HHATL: variants seen among roughly 807,000 people sequenced by gnomAD.
The protein encoded by HHATL is hedgehog acyltransferase like.
Under a neutral mutation model 59.7 loss-of-function variants are expected in HHATL, and 49 were observed. The observed-to-expected ratio is 0.82, with a 90% CI of 0.65 to 1.04. HHATL has a LOEUF of 1.04. Among genes scored for constraint, HHATL ranks in the 50% least tolerant of loss-of-function variants. HHATL has a pLI of 0.00. For synonymous variants in HHATL, 238 were observed against 257.3 expected (o/e 0.93, Z 0.72); for missense variants, 605 against 650.8 (o/e 0.93, Z 0.77).
At chr3:42,698,631 G>A in intron 5 of HHATL, 77 bp downstream of exon 5, 1 of 1,459,346 alleles carries the variant, frequency 6.9e-7, no homozygotes, top group South Asian at 1.4e-5. Context: ...GGGGATACTT[G>A]GGGTGCAAGG....
chr3:42,693,931 A>G, intron 9 of HHATL, 113 bp from the exon 10 acceptor site: 2 of 849,374 alleles, frequency 2.4e-6, no homozygotes, highest in East Asian at 5.1e-5. Context: ...GGGTGCATTC[A>G]ACATTCCTGA....
chr3:42,700,962 C>A, intron 1 of HHATL, 123 bp from the exon 2 acceptor site: 2 of 644,066 alleles, frequency 3.1e-6, no homozygotes, highest in South Asian at 3.7e-5. Flanking sequence ...CCCTTGGGGA[C>A]CTTGTACCAT....
rs955436266 is a variant in HHATL, at chr3:42,699,138, G to A, written c.182C>T (p.Ala61Val). 1.9e-6 allele frequency: 3 copies of A among 1,613,718 alleles called. No homozygotes were observed. In the South Asian group the frequency reaches 3.3e-5, roughly 18 times the overall value. Residue 61 changes from alanine (A) to valine (V), a missense_variant, in exon 4 of 12, where the codon GCT (alanine) becomes GTT (valine). Transcript: ENST00000441594. ...WEYIGRKMDV[A>V]DFEWVMWFTS... is the part of the protein sequence containing the mutation. ...GAACCACATCACCCACTCGAAGTCA[G>A]CCACATCCTGGGGCAGTCCGGGGCA...
At position 42,699,765 on chromosome 3, in the gene HHATL, C is replaced by G. The variant is rs771353911; in HGVS notation, c.167G>C (p.Arg56Pro). 9.5e-6 allele frequency: 15 copies of G among 1,579,450 alleles called. No individual in the cohort carries two copies. Among genetic ancestry groups the G allele is most frequent in the Admixed American group, 1.8e-5 (1 of 55,882 alleles). The change falls in exon 3 of 12, where the codon CGG becomes CCG. Residue 56 changes from arginine (R) to proline (P), a missense_variant. Physicochemically the swap from Arg to Pro is moderately radical, Grantham distance 103. Coordinates refer to ENST00000441594, the MANE Select transcript of HHATL (RefSeq NM_020707.4). ...SVRPGWEYIG[R>P]KMDVADFEWV... ...GGGATGTGGGGGACCTACCATCTTC[C>G]GGCCAATGTACTCCCAGCCAGGTCG...
intron 2 of HHATL, 70 bp downstream of exon 2, chr3:42,700,651 G>T: frequency 2.0e-6 from 2 of 1,013,136 alleles, no homozygotes; most frequent in South Asian, 1.4e-5. Flanking sequence ...TTCTGGCTTT[G>T]CTGGTTGGAA....
Position 42,693,221 on chromosome 3 carries a change from A to C in HHATL, c.1249-3T>G. The C allele has an allele frequency of 6.2e-7, 1 of 1,613,956 alleles. No individual in the cohort carries two copies. The highest frequency in any genetic ancestry group is 8.5e-7 in the Non-Finnish European group (1 of 1,179,904). On this transcript the variant is annotated splice_polypyrimidine_tract_variant and splice_region_variant and intron_variant, in intron 10 of 11. Transcript: ENST00000441594. ...GACATCTGCACTGACAGAGAGGCCT[A>C]TCCGGTCCAGGAAAGCATGGGCAGC...
intron 8 of HHATL, 58 bp downstream of exon 8, chr3:42,696,943 G>A (rs1697639292): frequency 1.2e-6 from 2 of 1,613,998 alleles, no homozygotes; most frequent in Non-Finnish European, 8.5e-7. Flanking sequence ...TGGGGGAAGA[G>A]GCTAGGGGAA....
At position 42,699,160 on chromosome 3, in the gene HHATL, G is replaced by A. The variant is rs1420460276; in HGVS notation, c.175-15C>T. 3 of 1,600,354 alleles carry A rather than the reference G, an allele frequency of 1.9e-6. No individual in the cohort carries two copies. Among genetic ancestry groups the A allele is most frequent in the South Asian group, 2.2e-5 (2 of 90,784 alleles). ...TCAGCCACATCCTGGGGCAGTCCGG[G>A]GCAGAAGGAGGTGGGGCAGGTGAGG... On this transcript the variant is annotated splice_polypyrimidine_tract_variant and intron_variant, in intron 3 of 11. Coordinates refer to ENST00000441594, the MANE Select transcript of HHATL (RefSeq NM_020707.4).
At chr3:42,695,295 C>T (rs957207554) in intron 9 of HHATL, among the ~76,000 whole-genome samples, 4 of 152,230 alleles carry the variant, frequency 2.6e-5, no homozygotes, top group African/African-American at 9.6e-5. Context: ...TCACCACCGT[C>T]CTTAGCAGGC....
chr3:42,693,064 C>T lies in HHATL; in HGVS notation c.1390+13G>A. The stretch of plus-strand genomic sequence containing the variant: ...CCTGGCACCTTCTGTATCCCCACAC[C>T]CCTGTCCCTCACCTGTGAGTAGCAG... On this transcript the variant is annotated intron_variant, in intron 11 of 11. Coordinates refer to ENST00000441594, the MANE Select transcript of HHATL (RefSeq NM_020707.4). 1 of 1,614,084 alleles carries T rather than the reference C, an allele frequency of 6.2e-7. No individual in the cohort carries two copies.
In HHATL at chr3:42,693,211, A is replaced by G. The variant is rs557543678; in HGVS notation, c.1256T>C (p.Leu419Pro). The G allele has an allele frequency of 1.2e-5, 19 of 1,614,154 alleles. No individual in the cohort carries two copies. In the East Asian group the frequency reaches 3.6e-4, roughly 30 times the overall value. Residue 419 changes from leucine (L) to proline (P), a missense_variant, in exon 11 of 12, where the codon CTG (leucine) becomes CCG (proline). By Grantham distance (98) the Leu-to-Pro change is moderately conservative. Transcript: ENST00000441594. ...WGPLARIEASLSVQMSRRVRA... is the reference protein window; with the variant it reads ...WGPLARIEASPSVQMSRRVRA... ...GACCCTACGGGACATCTGCACTGAC[A>G]GAGAGGCCTATCCGGTCCAGGAAAG...
chr3:42,699,881 T>G, intron 2 of HHATL, 56 bp from the exon 3 acceptor site: 1 of 1,447,388 alleles, frequency 6.9e-7, no homozygotes, highest in Non-Finnish European at 9.5e-7. Context: ...TGCCCCACCT[T>G]CCCCCGTGGA....
At position 42,698,790 on chromosome 3, in the gene HHATL, AG is replaced by A; in HGVS notation, c.400del (p.Leu134PhefsTer24). On this transcript the variant is annotated frameshift_variant, in exon 5 of 12. Coordinates refer to ENST00000441594, the MANE Select transcript of HHATL (RefSeq NM_020707.4). LOFTEE classifies it high-confidence loss of function. ...AAGACAGAGCCAGGGCTGGCCCAAA[AG>A]CGAGGCCACATAGAGGCCCACACAG... ...GHCVGLYVAS[L>X]LGQPWLCLGL... 1 of 1,613,160 alleles carries A rather than the reference AG, an allele frequency of 6.2e-7. No homozygotes were observed.
Position 42,701,585 on chromosome 3 carries a change from CG to C in HHATL, c.-13-747del. ...CAGGAGTAGCGGATGTGGGGCCAGG[CG>C]GGGCCAGGCGGGGCCAGGGAGGGCA... On this transcript the variant is annotated intron_variant, in intron 1 of 11. Coordinates refer to ENST00000441594, the MANE Select transcript of HHATL (RefSeq NM_020707.4). The surrounding 1 kb of genome is among the most constrained non-coding windows in gnomAD (Gnocchi z 5.1). The C allele has an allele frequency of 6.6e-6, 1 of 151,816 alleles. No homozygotes were observed. Among genetic ancestry groups the C allele is most frequent in the Non-Finnish European group, 1.5e-5 (1 of 68,082 alleles). 9.4% of individuals were successfully genotyped at this position (151,816 alleles called of 1,614,324 possible). A position where few individuals can be genotyped will look rare whatever the true frequency, so the allele number is the denominator to read the frequency against.
Position 42,698,218 on chromosome 3 carries a change from T to A in HHATL, c.617A>T (p.Asp206Val). Residue 206 changes from aspartate (D) to valine (V), a missense_variant, in exon 6 of 12, where the codon GAC (aspartate) becomes GTC (valine). Coordinates refer to ENST00000441594, the MANE Select transcript of HHATL (RefSeq NM_020707.4). ...AHPDRHYSLA[D>V]LLKYNFYLPF... ...CAGGTAGAAGTTGTACTTGAGCAGGTCAGCTAAGGAGTAGTGGCGGTCAGG... is the reference window on the plus strand; with the variant it reads ...CAGGTAGAAGTTGTACTTGAGCAGGACAGCTAAGGAGTAGTGGCGGTCAGG... The A allele has an allele frequency of 6.2e-7, 1 of 1,614,192 alleles. No individual in the cohort carries two copies. The highest frequency in any genetic ancestry group is 8.5e-7 in the Non-Finnish European group (1 of 1,180,034).
chr3:42,702,018 A>G (rs1698016728), intron 1 of HHATL, among the ~76,000 whole-genome samples: 1 of 152,210 alleles, frequency 6.6e-6, no homozygotes. Flanking sequence ...GGACCTGTCA[A>G]GGTCACATGG....
In HHATL at chr3:42,698,261, G is replaced by A. The variant is rs1234591563; in HGVS notation, c.574C>T (p.Leu192=). The stretch of plus-strand genomic sequence containing the variant: ...CGGTCAGGGTGGGCACAGCTCTCCA[G>A]TGCAAAGCTGGTGCAACGCAGCACT... ...FTVLRCTSFA[L]ESCAHPDRHY... is the part of the protein sequence containing the mutation. The change falls in exon 6 of 12, where the codon CTG becomes TTG. Residue 192 remains leucine (L), a synonymous_variant. Transcript: ENST00000441594. 3 of 1,614,050 alleles carry A rather than the reference G, an allele frequency of 1.9e-6. No homozygotes were observed. Among genetic ancestry groups the A allele is most frequent in the Non-Finnish European group, 2.5e-6 (3 of 1,180,018 alleles).
chr3:42,698,041 TG>T, intron 6 of HHATL, 100 bp downstream of exon 6: 1 of 1,209,298 alleles, frequency 8.3e-7, no homozygotes, highest in Non-Finnish European at 1.2e-6. Context: ...TGCCTGAGGA[TG>T]GGGATACAGC....
In HHATL at chr3:42,697,593, G is replaced by T. The variant is rs776383535; in HGVS notation, c.780C>A (p.Ala260=). 6.2e-7 allele frequency: 1 copy of T among 1,614,184 alleles called. No individual in the cohort carries two copies. Among genetic ancestry groups the T allele is most frequent in the South Asian group, 1.1e-5 (1 of 91,084 alleles). Residue 260 remains alanine, a synonymous_variant, in exon 7 of 12, where the codon GCC becomes GCA. Transcript: ENST00000441594. Reference sequence around the variant, plus strand: ...AGAAGAAGTGAAAGAAGATGTCGACGGCCATGATGGCCACCACGCTTAGGC... The same window carrying T: ...AGAAGAAGTGAAAGAAGATGTCGACTGCCATGATGGCCACCACGCTTAGGC... The part of the protein sequence containing the change: ...QAGLSVVAIM[A]VDIFFHFFYI...
Sources: allele counts gnomAD v4.1 joint callset (sites outside exome capture counted in the v4.1 genomes callset), GRCh38; gene constraint gnomAD v4.1.1; non-coding constraint Gnocchi (gnomAD v3.1); transcripts MANE v1.5; gene names NCBI Gene and HGNC (gene_info 2026-07-23, HGNC 2026-07-21).